Variants in OSGIN1 observed in about 807,000 individuals in gnomAD.
The protein encoded by OSGIN1 is oxidative stress induced growth inhibitor 1.
OSGIN1 carries 19 observed loss-of-function variants against 20.1 expected under a neutral mutation model. The ratio of observed to expected loss-of-function variants is 0.95; its 90% CI spans 0.66 to 1.39. OSGIN1 has a LOEUF of 1.39. Ranked by LOEUF, OSGIN1 falls within the 40% of genes most tolerant of loss-of-function variation. The pLI is 0.00. For missense variants in OSGIN1, 820 were observed against 653.0 expected, an observed-to-expected ratio of 1.26 and a Z score of -2.79; for synonymous variants, 368 against 297.8, an observed-to-expected ratio of 1.24 and a Z score of -2.43.
chr16:83,959,503 C>A, intron 3 of OSGIN1, 107 bp downstream of exon 3: 2 of 1,145,294 alleles, frequency 1.7e-6, no homozygotes, highest in Non-Finnish European at 2.4e-6. Flanking sequence ...GGAAACAAGA[C>A]TAAACAAAGA....
chr16:83,964,087 T>G (rs1020909644), intron 5 of OSGIN1, among the ~76,000 whole-genome samples: 3 of 152,302 alleles, frequency 2.0e-5, no homozygotes, highest in East Asian at 3.9e-4. Context: ...GTGGATCACT[T>G]GAGGTCAAGA....
chr16:83,955,920 C>T (rs1224332394), intron 1 of OSGIN1, among the ~76,000 whole-genome samples: 1 of 152,164 alleles, frequency 6.6e-6, no homozygotes, highest in Non-Finnish European at 1.5e-5. Context: ...CTGGCCCCCA[C>T]GCCAGTGGAG....
chr16:83,958,303 A>G (rs1909040517), intron 2 of OSGIN1, among the ~76,000 whole-genome samples: 1 of 152,142 alleles, frequency 6.6e-6, no homozygotes, highest in African/African-American at 2.4e-5. Flanking sequence ...AGGGGTCTAG[A>G]ACACACCCAT....
Position 83,961,036 on chromosome 16 carries a change from A to T in OSGIN1, c.452A>T (p.Asp151Val). The change falls in exon 5 of 6, where the codon GAC becomes GTC. Residue 151 changes from aspartate (D) to valine (V), a missense_variant. Asp to Val is a radical substitution (Grantham distance 152). Coordinates refer to ENST00000393306, the MANE Select transcript of OSGIN1 (RefSeq NM_182981.3). ...LSQGQWMGLP[D>V]LEVKDWMQKK... Reference sequence around the variant, plus strand: ...CAAGGCCAGTGGATGGGGCTCCCGGACCTGGAGGTCAAGGACTGGATGCAG... The same window carrying T: ...CAAGGCCAGTGGATGGGGCTCCCGGTCCTGGAGGTCAAGGACTGGATGCAG... The T allele has an allele frequency of 6.2e-7, 1 of 1,613,542 alleles. No homozygotes were observed. The highest frequency in any genetic ancestry group is 8.5e-7 in the Non-Finnish European group (1 of 1,180,008).
chr16:83,962,473 T>C (rs1300845032), intron 5 of OSGIN1, among the ~76,000 whole-genome samples: 4 of 152,112 alleles, frequency 2.6e-5, no homozygotes, highest in African/African-American at 7.2e-5. Context: ...GATCTCCTGA[T>C]CTCGTGATCC....
intron 3 of OSGIN1, among the ~76,000 whole-genome samples, chr16:83,959,695 C>T (rs998415218): frequency 2.6e-5 from 4 of 152,214 alleles, no homozygotes; most frequent in Admixed American, 2.0e-4. Flanking sequence ...GGCAGGGTGA[C>T]GGTACTACCA....
In OSGIN1 at chr16:83,966,307, C is replaced by T. The variant is rs1441094316; in HGVS notation, c.*300C>T. 3 of 450,804 alleles carry T rather than the reference C, an allele frequency of 6.7e-6. No homozygotes were observed. The highest frequency in any genetic ancestry group is 1.2e-5 in the Non-Finnish European group (3 of 255,288). The allele number at this position is 450,804 out of a possible 1,614,324, so 27.9% of individuals were successfully genotyped here. A position where few individuals can be genotyped will look rare whatever the true frequency, so the allele number is the denominator to read the frequency against. ...AGCCCTGCGCCTTCCAGAAGCAGGT[C>T]CCAAATAAAGCCAGTGCCCACCTGC... is the stretch of plus-strand genomic sequence containing the variant. On this transcript the variant is annotated 3_prime_UTR_variant, in exon 6 of 6. Transcript: ENST00000393306.
At position 83,965,789 on chromosome 16, in the gene OSGIN1, C is replaced by A. The variant is rs780308444; in HGVS notation, c.1216C>A (p.Pro406Thr). The change falls in exon 6 of 6, where the codon CCT becomes ACT. Residue 406 changes from proline (P) to threonine (T), a missense_variant. Transcript: ENST00000393306. ...IGSHPDLSFL[P>T]GAGADFAVDP... ...CTCCCACCCCGACCTCTCCTTCCTG[C>A]CTGGGGCAGGGGCTGACTTTGCAGT... The A allele has an allele frequency of 2.5e-6, 4 of 1,612,974 alleles. No individual in the cohort carries two copies. The African/African-American group carries it at 5.3e-5, about 22-fold the overall frequency.
intron 1 of OSGIN1, 76 bp from the exon 2 acceptor site, chr16:83,957,564 C>T (rs1366947057): frequency 2.6e-6 from 2 of 774,128 alleles, no homozygotes; most frequent in Admixed American, 4.1e-5. Flanking sequence ...GCCACCCTAG[C>T]TGGGAGGTGA....
At chr16:83,962,667 C>T (rs1178110406) in intron 5 of OSGIN1, among the ~76,000 whole-genome samples, 1 of 152,242 alleles carries the variant, frequency 6.6e-6, no homozygotes, top group Non-Finnish European at 1.5e-5. Context: ...AGACTTGAGA[C>T]ATCAATCACT....
At chr16:83,958,465 G>C (rs1415103909) in intron 2 of OSGIN1, among the ~76,000 whole-genome samples, 1 of 152,168 alleles carries the variant, frequency 6.6e-6, no homozygotes, top group Non-Finnish European at 1.5e-5. Context: ...TGCACAAATG[G>C]GGACAGATGA....
intron 2 of OSGIN1, among the ~76,000 whole-genome samples, chr16:83,958,699 C>G (rs949875132): frequency 1.3e-5 from 2 of 152,192 alleles, no homozygotes; most frequent in African/African-American, 4.8e-5. Context: ...CAGATGGCAG[C>G]GCAGTTCTTC....
intron 1 of OSGIN1, among the ~76,000 whole-genome samples, chr16:83,957,304 T>G (rs1908976473): frequency 2.0e-5 from 3 of 152,144 alleles, no homozygotes; most frequent in African/African-American, 7.2e-5. Context: ...AGGAATGGCC[T>G]CTCGGGAAGA....
At chr16:83,953,398 C>T (rs1350887761) in intron 1 of OSGIN1, 28 bp downstream of exon 1, 1 of 1,287,932 alleles carries the variant, frequency 7.8e-7, no homozygotes, top group Non-Finnish European at 1.0e-6. Flanking sequence ...GGTTCCGGGG[C>T]AGGGAATCAG....
intron 1 of OSGIN1, among the ~76,000 whole-genome samples, chr16:83,953,808 A>C (rs1299240173): frequency 6.6e-6 from 1 of 152,150 alleles, no homozygotes; most frequent in African/African-American, 2.4e-5. Context: ...AACAGCCCCC[A>C]TCCCTGGAGG....
intron 5 of OSGIN1, 169 bp downstream of exon 5, chr16:83,961,241 C>G (rs1272707483): frequency 1.7e-6 from 1 of 605,092 alleles, no homozygotes; most frequent in South Asian, 2.0e-5. Context: ...TGATCCGGCA[C>G]AGCTTGGTTT....
chr16:83,964,994 TCCCGTCCC>T, intron 5 of OSGIN1, 60 bp from the exon 6 acceptor site: 13 of 829,202 alleles, frequency 1.6e-5, no homozygotes, highest in African/African-American at 3.4e-5. Context: ...CCTGGACATC[TCCCGTCCC>T]ACCCAGCCCC....
rs942245698 is a variant in OSGIN1 at position 83,957,685 on chromosome 16, G to C, written c.14G>C (p.Arg5Thr). 2.5e-6 allele frequency: 4 copies of C among 1,607,342 alleles called. No homozygotes were observed. The African/African-American group carries it at 5.4e-5, about 22-fold the overall frequency. Residue 5 changes from arginine to threonine, a missense_variant, in exon 2 of 6, where the codon AGA becomes ACA. By Grantham distance (71) the Arg-to-Thr change is moderately conservative. Transcript: ENST00000393306. The part of the protein sequence containing the change: MSSS[R>T]KDHLGASSSE... ...CCCCCACCAGCCATGAGCTCCTCCA[G>C]AAAGGACCACCTCGGCGCCAGCAGC...
chr16:83,963,890 G>C (rs1021028580), intron 5 of OSGIN1, among the ~76,000 whole-genome samples: 1 of 152,242 alleles, frequency 6.6e-6, no homozygotes. Context: ...ACTGCCCCTG[G>C]AAAGAGTGAC....
Sources: gnomAD v4.1 joint callset for allele counts (sites outside exome capture counted in the v4.1 genomes callset) on GRCh38, gnomAD v4.1.1 for gene constraint, MANE v1.5 for transcripts, NCBI Gene and HGNC (gene_info 2026-07-23, HGNC 2026-07-21) for gene names.